The following ATXN7 variants were observed in gnomAD, a reference collection of about 807,000 sequenced individuals.
ATXN7 encodes the protein ataxin-7.
In ATXN7, 12 loss-of-function variants were observed where a neutral mutation model predicts 70.5. That is an observed-to-expected ratio of 0.17 (90% CI 0.11 to 0.28). The LOEUF (loss-of-function observed/expected upper bound fraction) is 0.28. Ranked by LOEUF, ATXN7 falls within the 10% of genes least tolerant of loss-of-function variation. The pLI, the probability that ATXN7 is intolerant of heterozygous loss-of-function variation, is 1.00. For synonymous variants in ATXN7, 498 were observed against 448.7 expected, an observed-to-expected ratio of 1.11 and a Z score of -1.39; for missense variants, 1,256 against 1,131.7, an observed-to-expected ratio of 1.11 and a Z score of -1.58.
At chr3:63,909,643 T>C (rs1309618915) in intron 2 of ATXN7, among the ~76,000 whole-genome samples, 1 of 152,156 alleles carries the variant, frequency 6.6e-6, no homozygotes, top group Non-Finnish European at 1.5e-5. Context: ...CAGCTTGCTG[T>C]TTTGACTTTT....
chr3:63,964,872 T>G (rs1331435745), intron 5 of ATXN7, among the ~76,000 whole-genome samples: 1 of 152,218 alleles, frequency 6.6e-6, no homozygotes, highest in African/African-American at 2.4e-5. Context: ...GTAAGGAATG[T>G]TAAAGCTCCT....
At chr3:63,918,057 C>T (rs531400039) in intron 4 of ATXN7, among the ~76,000 whole-genome samples, 4 of 152,214 alleles carry the variant, frequency 2.6e-5, no homozygotes, top group Non-Finnish European at 5.9e-5. Context: ...GAATAGCAAC[C>T]CAGTGTGATG....
At chr3:63,925,312 A>G (rs1227889385) in intron 4 of ATXN7, among the ~76,000 whole-genome samples, 1 of 152,184 alleles carries the variant, frequency 6.6e-6, no homozygotes, top group Non-Finnish European at 1.5e-5. Context: ...AGGGATCCCC[A>G]ACTTCTCGGC....
chr3:63,909,133 T>C (rs185995796), intron 2 of ATXN7, among the ~76,000 whole-genome samples: 3 of 152,368 alleles, frequency 2.0e-5, no homozygotes, highest in East Asian at 3.8e-4. Context: ...ATTCAAGCCA[T>C]ATAAAATGAA....
chr3:63,873,514 C>G (rs1575832976), intron 1 of ATXN7, among the ~76,000 whole-genome samples: 1 of 152,156 alleles, frequency 6.6e-6, no homozygotes, highest in Non-Finnish European at 1.5e-5. Flanking sequence ...TCAGCCAGTA[C>G]CCTTTAGGGG....
intron 5 of ATXN7, chr3:63,967,701 C>T (rs1004488151): frequency 5.8e-5 from 66 of 1,142,650 alleles, no homozygotes; most frequent in Middle Eastern, 2.9e-4. Flanking sequence ...CCAGCCAGGA[C>T]GCCTTGTATG....
upstream of ATXN7, chr3:63,863,770 A>G: frequency 8.0e-7 from 1 of 1,251,482 alleles, no homozygotes; most frequent in Non-Finnish European, 9.9e-7. Context: ...GCGGGGCCTC[A>G]CCGTCAGTCA....
intron 4 of ATXN7, among the ~76,000 whole-genome samples, chr3:63,925,466 G>A (rs1704680363): frequency 6.6e-6 from 1 of 152,134 alleles, no homozygotes; most frequent in African/African-American, 2.4e-5. Context: ...CACAAACTCT[G>A]TTGTGAACTG....
intron 5 of ATXN7, among the ~76,000 whole-genome samples, chr3:63,964,172 A>G (rs1470867785): frequency 6.6e-6 from 1 of 152,048 alleles, no homozygotes; most frequent in Admixed American, 6.6e-5. Context: ...AATACTTAAT[A>G]ATATGAGACA....
rs562640418 is a variant in ATXN7 at position 63,983,075 on chromosome 3, G to A, written c.1095+54G>A. 8.0e-6 allele frequency: 11 copies of A among 1,381,718 alleles called. No homozygotes were observed. The South Asian group carries it at 1.2e-4, about 15-fold the overall frequency. 85.6% of individuals were successfully genotyped at this position (1,381,718 alleles called of 1,614,324 possible). A position where few individuals can be genotyped will look rare whatever the true frequency, so the allele number is the denominator to read the frequency against. On this transcript the variant is annotated intron_variant, in intron 8 of 12. Coordinates refer to ENST00000674280, the MANE Select transcript of ATXN7 (RefSeq NM_001377405.1). Reference sequence around the variant, plus strand: ...CCATCCTGATAAACATGGGTGACTGGGATGTACCACACTACTCCCACAGTC... The same window carrying A: ...CCATCCTGATAAACATGGGTGACTGAGATGTACCACACTACTCCCACAGTC...
chr3:63,906,640 G>A (rs1369030290), intron 2 of ATXN7, among the ~76,000 whole-genome samples: 1 of 152,196 alleles, frequency 6.6e-6, no homozygotes, highest in Non-Finnish European at 1.5e-5. Flanking sequence ...CTTAGTGAGA[G>A]GGTTCAGGAA....
At chr3:63,975,882 A>G (rs903020148) in intron 5 of ATXN7, among the ~76,000 whole-genome samples, 3 of 152,144 alleles carry the variant, frequency 2.0e-5, no homozygotes, top group Non-Finnish European at 2.9e-5. Flanking sequence ...ACACTTAGGC[A>G]TGTTTGTCTT....
At chr3:63,978,644 C>T (rs903010443) in intron 5 of ATXN7, among the ~76,000 whole-genome samples, 2 of 152,324 alleles carry the variant, frequency 1.3e-5, no homozygotes, top group Middle Eastern at 3.4e-3. Context: ...AAATCACTAT[C>T]AATTTAACCT....
At chr3:63,970,794 G>C (rs912849441) in intron 5 of ATXN7, among the ~76,000 whole-genome samples, 7 of 152,162 alleles carry the variant, frequency 4.6e-5, no homozygotes, top group Non-Finnish European at 5.9e-5. Flanking sequence ...TTTGTGATCT[G>C]TTCTCTTTCA....
At chr3:63,894,120 A>T (rs1014766477) in intron 1 of ATXN7, among the ~76,000 whole-genome samples, 1 of 152,190 alleles carries the variant, frequency 6.6e-6, no homozygotes, top group African/African-American at 2.4e-5. Context: ...CCTACAGGAG[A>T]CAGGTCTGAA....
intron 4 of ATXN7, among the ~76,000 whole-genome samples, chr3:63,940,658 A>G (rs2074743730): frequency 6.6e-6 from 1 of 152,166 alleles, no homozygotes; most frequent in Non-Finnish European, 1.5e-5. Flanking sequence ...TTTTACATGA[A>G]TTATCTCATT....
Position 63,939,644 on chromosome 3 carries a change from G to T in ATXN7, c.395-12735G>T, listed in dbSNP as rs548048846. Among the ~76,000 whole-genome samples the T allele has an allele frequency of 1.1e-3, 174 of 152,192 alleles. 1 individual carries two copies. The highest frequency in any genetic ancestry group is 2.1e-3 in the Non-Finnish European group (140 of 68,038). On this transcript the variant is annotated intron_variant, in intron 4 of 12. Transcript: ENST00000674280. ...TTAACCCCAAAGGCTTGCAAATTCA[G>T]ATGAGCATATATTCAAGAAAAATGG...
chr3:63,871,687 G>A (rs1357505944), intron 1 of ATXN7, among the ~76,000 whole-genome samples: 3 of 152,064 alleles, frequency 2.0e-5, no homozygotes, highest in African/African-American at 7.2e-5. Flanking sequence ...TATATAATGA[G>A]ACTATGTATA....
At chr3:63,864,807 G>A (rs1478254769) in intron 1 of ATXN7, 3 of 152,306 alleles carry the variant, frequency 2.0e-5, no homozygotes, top group Non-Finnish European at 4.4e-5. Flanking sequence ...GTGTGTAGTT[G>A]TTTGGAGCAC....
Sources: allele counts gnomAD v4.1 joint callset (sites outside exome capture counted in the v4.1 genomes callset), GRCh38; gene constraint gnomAD v4.1.1; transcripts MANE v1.5; gene names NCBI Gene and HGNC (gene_info 2026-07-23, HGNC 2026-07-21).